The following AHI1 variants were observed in gnomAD, a reference collection of about 807,000 sequenced individuals.
The protein encoded by AHI1 is Abelson helper integration site 1, also known as jouberin.
AHI1 carries 123 observed loss-of-function variants against 149.3 expected under a neutral mutation model. The observed-to-expected ratio is 0.82, with a 90% CI of 0.71 to 0.96. AHI1 has a LOEUF of 0.96. AHI1 is among the 40% of genes least tolerant of loss of function. The pLI, the probability that AHI1 is intolerant of heterozygous loss-of-function variation, is 0.00. For synonymous variants in AHI1, 475 were observed against 459.8 expected (o/e 1.03, Z -0.42); for missense variants, 1,439 against 1,422.7 (o/e 1.01, Z -0.18).
rs527917446 is a variant in AHI1, at chr6:135,434,378, C to A, written c.2037-1122G>T. Among the ~76,000 whole-genome samples, 3 of 151,966 alleles carry A rather than the reference C, an allele frequency of 2.0e-5. No individual in the cohort carries two copies. The East Asian group carries it at 5.8e-4, about 29-fold the overall frequency. ...ATCAATTGCACAAGCATTTTTACCA[C>A]AGTGTATTCTCAATAAGCATATTTA... On this transcript the variant is annotated intron_variant, in intron 15 of 28. Transcript: ENST00000265602.
chr6:135,351,759 T>G (rs1792149376), intron 24 of AHI1, among the ~76,000 whole-genome samples: 1 of 152,186 alleles, frequency 6.6e-6, no homozygotes, highest in Non-Finnish European at 1.5e-5. Flanking sequence ...TACATGATCA[T>G]ATTTGTGCTT....
chr6:135,384,271 TTAAAG>T, intron 23 of AHI1, among the ~76,000 whole-genome samples: 1 of 152,208 alleles, frequency 6.6e-6, no homozygotes, highest in Non-Finnish European at 1.5e-5. Context: ...CATTCAATGA[TTAAAG>T]TAGTTCTGAA....
At chr6:135,287,489 G>C (rs958486463) in intron 28 of AHI1, among the ~76,000 whole-genome samples, 3 of 152,178 alleles carry the variant, frequency 2.0e-5, no homozygotes, top group Admixed American at 2.0e-4. Flanking sequence ...AAAATCAAGA[G>C]TGGCACACTG....
chr6:135,345,174 G>A (rs117237146), intron 24 of AHI1, among the ~76,000 whole-genome samples: 1 of 152,280 alleles, frequency 6.6e-6, no homozygotes, highest in East Asian at 1.9e-4. Flanking sequence ...TACAAAATCA[G>A]TAACAAGTTA....
At chr6:135,470,190 T>A (rs1228082107) in intron 5 of AHI1, among the ~76,000 whole-genome samples, 1 of 152,074 alleles carries the variant, frequency 6.6e-6, no homozygotes, top group East Asian at 1.9e-4. Context: ...AAGAAGACAT[T>A]TATGGGGCCA....
intron 19 of AHI1, 115 bp downstream of exon 19, chr6:135,428,514 G>A: frequency 1.6e-6 from 2 of 1,264,060 alleles, no homozygotes; most frequent in Non-Finnish European, 2.1e-6. Flanking sequence ...AAACATAATT[G>A]AAAACCCAAA....
intron 8 of AHI1, among the ~76,000 whole-genome samples, chr6:135,460,734 A>G (rs1185420051): frequency 1.3e-5 from 2 of 152,210 alleles, no homozygotes; most frequent in Non-Finnish European, 2.9e-5. Flanking sequence ...CAAACTGTCT[A>G]ATTTAAAAGA....
At position 135,427,164 on chromosome 6, in the gene AHI1, TA is replaced by T; in HGVS notation, c.2764+2del. 6.2e-7 allele frequency: 1 copy of T among 1,608,812 alleles called. No individual in the cohort carries two copies. The highest frequency in any genetic ancestry group is 8.5e-7 in the Non-Finnish European group (1 of 1,176,764). ...TTCTTTACTTATCAAGTGGTAGACT[TA>T]CCATGGAAATCGTAAATATACAGAA... is the stretch of plus-strand genomic sequence containing the variant. On this transcript the variant is annotated splice_donor_variant, in intron 20 of 28. Coordinates refer to ENST00000265602, the MANE Select transcript of AHI1 (RefSeq NM_001134831.2). LOFTEE classifies it high-confidence loss of function.
At chr6:135,322,285 C>T (rs1357334888) in intron 25 of AHI1, among the ~76,000 whole-genome samples, 1 of 152,166 alleles carries the variant, frequency 6.6e-6, no homozygotes, top group Non-Finnish European at 1.5e-5. Flanking sequence ...TCCTAGCATG[C>T]TATCAAGTTA....
intron 27 of AHI1, among the ~76,000 whole-genome samples, chr6:135,297,069 T>G (rs1165034415): frequency 2.6e-5 from 4 of 152,210 alleles, no homozygotes; most frequent in African/African-American, 9.6e-5. Flanking sequence ...CAAAGGCTAA[T>G]CCTGACCCTT....
intron 26 of AHI1, among the ~76,000 whole-genome samples, chr6:135,313,089 G>A (rs535187219): frequency 1.3e-5 from 2 of 152,244 alleles, no homozygotes; most frequent in South Asian, 2.1e-4. Flanking sequence ...TCAGTTACAC[G>A]TTTCTCAAAA....
intron 9 of AHI1, among the ~76,000 whole-genome samples, chr6:135,456,229 T>A (rs1003797452): frequency 5.9e-5 from 9 of 152,168 alleles, no homozygotes; most frequent in Non-Finnish European, 8.8e-5. Flanking sequence ...TCCTTCAGAA[T>A]TTTGTAAGAG....
chr6:135,395,665 T>C (rs1242800925), intron 22 of AHI1, among the ~76,000 whole-genome samples: 1 of 151,452 alleles, frequency 6.6e-6, no homozygotes, highest in Non-Finnish European at 1.5e-5. Context: ...AGAAAAAAAA[T>C]CTATCTTTTT....
rs1319874213 is a variant in AHI1 at position 135,466,080 on chromosome 6, T to C, written c.483A>G (p.Pro161=). The change falls in exon 7 of 29, where the codon CCA becomes CCG. Residue 161 remains proline, a synonymous_variant. Transcript: ENST00000265602. ...DSTHQKTHTK[P]QPGVDHQKSE... The stretch of plus-strand genomic sequence containing the variant: ...TTTTCTGATGATCAACGCCTGGCTG[T>C]GGCTTTGTATGTGTTTTCTGGTGTG... 3 of 1,613,964 alleles carry C rather than the reference T, an allele frequency of 1.9e-6. No individual in the cohort carries two copies. The highest frequency in any genetic ancestry group is 2.5e-6 in the Non-Finnish European group (3 of 1,179,866).
chr6:135,423,783 AACTCTGGTTAATAT>A (rs1783552344), intron 20 of AHI1, among the ~76,000 whole-genome samples: 1 of 152,088 alleles, frequency 6.6e-6, no homozygotes. Context: ...CTCTGTTATT[AACTCTGGTTAATAT>A]ACTCTGGTTA....
intron 26 of AHI1, among the ~76,000 whole-genome samples, chr6:135,314,454 A>G (rs965877649): frequency 6.6e-6 from 1 of 152,242 alleles, no homozygotes; most frequent in African/African-American, 2.4e-5. Context: ...CATTTGTTAC[A>G]GCAGACACAA....
intron 26 of AHI1, chr6:135,302,946 T>C: frequency 1.9e-6 from 1 of 525,160 alleles, no homozygotes; most frequent in South Asian, 2.1e-5. Context: ...TTTATGACTT[T>C]GTTTCCTCTT....
intron 28 of AHI1, among the ~76,000 whole-genome samples, chr6:135,289,565 C>T (rs1162492668): frequency 6.6e-6 from 1 of 151,944 alleles, no homozygotes; most frequent in Non-Finnish European, 1.5e-5. Context: ...GGTTATTGTT[C>T]ATTTAAAAAT....
intron 5 of AHI1, among the ~76,000 whole-genome samples, chr6:135,485,231 G>A (rs571192443): frequency 6.6e-6 from 1 of 152,020 alleles, no homozygotes; most frequent in African/African-American, 2.4e-5. Flanking sequence ...ACAACATCAT[G>A]CCTGGCTAAT....
Sources: gnomAD v4.1 joint callset for allele counts (sites outside exome capture counted in the v4.1 genomes callset) on GRCh38, gnomAD v4.1.1 for gene constraint, MANE v1.5 for transcripts, NCBI Gene and HGNC (gene_info 2026-07-23, HGNC 2026-07-21) for gene names.